Variants in LDB2 observed in about 807,000 individuals in gnomAD.
LDB2 encodes the protein LIM domain binding 2.
A neutral mutation model predicts 44.3 loss-of-function variants in LDB2; 12 were observed. The ratio of observed to expected loss-of-function variants is 0.27; its 90% CI spans 0.17 to 0.44. LDB2 has a LOEUF of 0.44. LDB2 is among the 20% of genes least tolerant of loss of function. The pLI, the probability that LDB2 is intolerant of heterozygous loss-of-function variation, is 1.00. For synonymous variants in LDB2, 164 were observed against 174.8 expected, an observed-to-expected ratio of 0.94 and a Z score of 0.49; for missense variants, 344 against 473.5, an observed-to-expected ratio of 0.73 and a Z score of 2.54.
chr4:16,583,032 ATCTG>A lies in LDB2; in HGVS notation c.615+2886_615+2889del, dbSNP rs561172954. ...GCCAGCGTCTGTGTTCAGCCCCATC[ATCTG>A]CATTCACAATGTCCACAGCTCGGCC... is the stretch of plus-strand genomic sequence containing the variant. On this transcript the variant is annotated intron_variant, in intron 5 of 7. Coordinates refer to ENST00000304523, the MANE Select transcript of LDB2 (RefSeq NM_001290.5). Among the ~76,000 whole-genome samples the A allele has an allele frequency of 3.5e-4, 53 of 152,302 alleles. No homozygotes were observed. In the South Asian group the frequency reaches 8.9e-3, roughly 26 times the overall value.
chr4:16,685,373 T>TTTTTTTTGTTTTGTTTTGTTTTTTG (rs1241565390), intron 2 of LDB2, among the ~76,000 whole-genome samples: 1 of 151,986 alleles, frequency 6.6e-6, no homozygotes, highest in Non-Finnish European at 1.5e-5. Context: ...ATCTCTCAAG[T>TTTTTTTTGTTTTGTTTTGTTTTTTG]TTTTTTTGTT....
At chr4:16,572,955 C>T (rs567237708) in intron 5 of LDB2, among the ~76,000 whole-genome samples, 6 of 152,294 alleles carry the variant, frequency 3.9e-5, no homozygotes, top group Non-Finnish European at 8.8e-5. Flanking sequence ...AGACTGAGAT[C>T]TGACAGCTTT....
chr4:16,758,647 TA>T (rs1226028246), intron 2 of LDB2, among the ~76,000 whole-genome samples: 4 of 152,190 alleles, frequency 2.6e-5, no homozygotes, highest in Admixed American at 2.6e-4. Context: ...CTGTCAACAC[TA>T]ATCCCAAACT....
At chr4:16,519,565 T>C (rs996596132) in intron 5 of LDB2, among the ~76,000 whole-genome samples, 1 of 151,066 alleles carries the variant, frequency 6.6e-6, no homozygotes, top group African/African-American at 2.4e-5. Flanking sequence ...ACAGAGCTAA[T>C]ACATGGCAAA....
intron 2 of LDB2, among the ~76,000 whole-genome samples, chr4:16,615,069 CAAAAAAAAAAAAA>C (rs71649971): frequency 2.1e-5 from 1 of 47,352 alleles, no homozygotes; most frequent in Non-Finnish European, 3.7e-5. Context: ...GACTCCGTCT[CAAAAAAAAAAAAA>C]AAAAAAAAAA....
At chr4:16,620,779 G>A (rs1318310957) in intron 2 of LDB2, among the ~76,000 whole-genome samples, 1 of 152,198 alleles carries the variant, frequency 6.6e-6, no homozygotes, top group African/African-American at 2.4e-5. Flanking sequence ...CCTATAGGCT[G>A]ACCAAGTGCT....
At chr4:16,608,777 C>A (rs1054034125) in intron 2 of LDB2, among the ~76,000 whole-genome samples, 4 of 152,196 alleles carry the variant, frequency 2.6e-5, no homozygotes, top group African/African-American at 9.6e-5. Context: ...TGCACTCCAT[C>A]ACCTCCAGGA....
chr4:16,578,127 G>C (rs1421014305), intron 5 of LDB2, among the ~76,000 whole-genome samples: 1 of 151,936 alleles, frequency 6.6e-6, no homozygotes, highest in East Asian at 1.9e-4. Context: ...GAAAACAATG[G>C]GGAAACTCTC....
intron 2 of LDB2, among the ~76,000 whole-genome samples, chr4:16,707,122 G>A (rs1754778155): frequency 6.6e-6 from 1 of 152,048 alleles, no homozygotes; most frequent in African/African-American, 2.4e-5. Context: ...GGGAACAGAA[G>A]CTACACATGA....
At chr4:16,745,431 C>T (rs1022430220) in intron 2 of LDB2, among the ~76,000 whole-genome samples, 10 of 152,128 alleles carry the variant, frequency 6.6e-5, no homozygotes, top group African/African-American at 2.4e-4. Context: ...GGCCCATTTG[C>T]GAATAAGCAT....
At chr4:16,508,851 GA>G (rs1720605559) in intron 6 of LDB2, among the ~76,000 whole-genome samples, 165 bp from the exon 7 acceptor site, 1 of 152,120 alleles carries the variant, frequency 6.6e-6, no homozygotes, top group Non-Finnish European at 1.5e-5. Flanking sequence ...GAAAACTGTA[GA>G]TGTGTTTTTA....
chr4:16,814,008 A>G (rs534631701), intron 1 of LDB2, among the ~76,000 whole-genome samples: 7 of 151,698 alleles, frequency 4.6e-5, no homozygotes, highest in Admixed American at 4.6e-4. Context: ...AGTAGCTGGG[A>G]CTACAGGCGC....
intron 5 of LDB2, among the ~76,000 whole-genome samples, chr4:16,520,879 C>CTTGTG (rs1725827443): frequency 6.6e-6 from 1 of 152,170 alleles, no homozygotes; most frequent in Non-Finnish European, 1.5e-5. Context: ...TTCAAGGCCC[C>CTTGTG]TTCTGTTCTG....
At chr4:16,790,090 G>A (rs1403373439) in intron 1 of LDB2, among the ~76,000 whole-genome samples, 1 of 152,152 alleles carries the variant, frequency 6.6e-6, no homozygotes, top group African/African-American at 2.4e-5. Flanking sequence ...CTTTTGAAAG[G>A]TCTACAATGA....
intron 2 of LDB2, among the ~76,000 whole-genome samples, chr4:16,665,353 C>T (rs746279734): frequency 5.3e-5 from 8 of 150,732 alleles, no homozygotes; most frequent in Non-Finnish European, 1.0e-4. Flanking sequence ...GCAACCTCCG[C>T]CTCTCAGGTT....
chr4:16,603,810 G>A (rs553062603), intron 2 of LDB2, among the ~76,000 whole-genome samples: 11 of 152,198 alleles, frequency 7.2e-5, no homozygotes, highest in African/African-American at 1.4e-4. Flanking sequence ...AAAGGAATAC[G>A]AAATGTATGT....
chr4:16,620,030 G>A (rs1728441830), intron 2 of LDB2, among the ~76,000 whole-genome samples: 1 of 152,108 alleles, frequency 6.6e-6, no homozygotes, highest in African/African-American at 2.4e-5. Context: ...TGTATAATAT[G>A]TCAGAAGCAT....
intron 5 of LDB2, among the ~76,000 whole-genome samples, chr4:16,545,021 C>G (rs1054808511): frequency 2.6e-5 from 4 of 152,096 alleles, no homozygotes; most frequent in African/African-American, 9.7e-5. Flanking sequence ...AGAACCAAGA[C>G]AGCATGATGC....
At chr4:16,538,660 C>A (rs962801579) in intron 5 of LDB2, among the ~76,000 whole-genome samples, 3 of 152,154 alleles carry the variant, frequency 2.0e-5, no homozygotes, top group African/African-American at 7.2e-5. Flanking sequence ...AGCAGATAAT[C>A]TTCCCCCAAA....
Sources: allele counts gnomAD v4.1 joint callset (sites outside exome capture counted in the v4.1 genomes callset), GRCh38; gene constraint gnomAD v4.1.1; transcripts MANE v1.5; gene names NCBI Gene and HGNC (gene_info 2026-07-23, HGNC 2026-07-21).